Variants in CMC1 observed in about 807,000 individuals in gnomAD.
CMC1 encodes the protein COX assembly mitochondrial protein homolog.
Under a neutral mutation model 14.1 loss-of-function variants are expected in CMC1, and 14 were observed. That is an observed-to-expected ratio of 0.99 (90% CI 0.66 to 1.55). CMC1 has a LOEUF of 1.55. Ranked by LOEUF, CMC1 falls within the 40% of genes most tolerant of loss-of-function variation. The pLI, the probability that CMC1 is intolerant of heterozygous loss-of-function variation, is 0.00. For synonymous variants in CMC1, 50 were observed against 38.4 expected, an observed-to-expected ratio of 1.30 and a Z score of -1.12; for missense variants, 127 against 123.8, an observed-to-expected ratio of 1.03 and a Z score of -0.12.
intron 2 of CMC1, among the ~76,000 whole-genome samples, chr3:28,305,019 A>G (rs535656113): frequency 6.6e-6 from 1 of 152,272 alleles, no homozygotes; most frequent in East Asian, 1.9e-4. Context: ...TTGGGCGTCT[A>G]TTGAACCGTC....
At chr3:28,242,081 A>G (rs975526437) in intron 1 of CMC1, among the ~76,000 whole-genome samples, 1 of 151,950 alleles carries the variant, frequency 6.6e-6, no homozygotes, top group Non-Finnish European at 1.5e-5. Context: ...CTTCATTGTC[A>G]CCCTCTTTTC....
intron 2 of CMC1, among the ~76,000 whole-genome samples, chr3:28,263,775 A>G (rs1699853527): frequency 6.6e-6 from 1 of 151,924 alleles, no homozygotes; most frequent in Non-Finnish European, 1.5e-5. Context: ...TTCTAAGGTG[A>G]TTTTCTTTGG....
chr3:28,242,686 G>C (rs1425975444), intron 1 of CMC1, among the ~76,000 whole-genome samples: 1 of 152,152 alleles, frequency 6.6e-6, no homozygotes, highest in Admixed American at 6.5e-5. Context: ...GGTCCTTTTA[G>C]CTCCATTTTA....
At chr3:28,302,687 C>T (rs375926594) in intron 2 of CMC1, among the ~76,000 whole-genome samples, 8 of 152,198 alleles carry the variant, frequency 5.3e-5, no homozygotes, top group East Asian at 1.9e-4. Context: ...AGTATGGAAT[C>T]GGAGAGTTGA....
In CMC1 at chr3:28,274,206, G is replaced by GTTTTTTTTTTTTTTTTTTTT. The variant is rs1265139321; in HGVS notation, c.109+10831_109+10832insTTTTTTTTTTTTTTTTTTTT. ...GTGTCATTGGTCTTTGTACTAAAGT[G>GTTTTTTTTTTTTTTTTTTTT]TTTTTGTTTTTTTCTTTTTTTTTTT... On this transcript the variant is annotated intron_variant, in intron 2 of 3. Coordinates refer to ENST00000466830, the MANE Select transcript of CMC1 (RefSeq NM_182523.2). Among the ~76,000 whole-genome samples, 140 of 83,002 alleles carry GTTTTTTTTTTTTTTTTTTTT rather than the reference G, an allele frequency of 1.7e-3. 20 individuals carry two copies. Among genetic ancestry groups the GTTTTTTTTTTTTTTTTTTTT allele is most frequent in the East Asian group, 7.6e-3 (17 of 2,242 alleles). The allele number at this position is 83,002 out of a possible 152,430, so 54.5% of individuals were successfully genotyped here. A position where few individuals can be genotyped will look rare whatever the true frequency, so the allele number is the denominator to read the frequency against.
At chr3:28,304,351 A>G (rs1055916087) in intron 2 of CMC1, among the ~76,000 whole-genome samples, 3 of 152,000 alleles carry the variant, frequency 2.0e-5, no homozygotes, top group Non-Finnish European at 4.4e-5. Flanking sequence ...ATAGTCCCCA[A>G]AGATGTCTCA....
Position 28,321,415 on chromosome 3 carries a change from CCAGAT to C in CMC1, c.*1787_*1791del, listed in dbSNP as rs1330655854. On this transcript the variant is annotated 3_prime_UTR_variant, in exon 4 of 4. Transcript: ENST00000466830. ...GTACATGTTGCTTTCCCCATAGAAG[CCAGAT>C]TAGATTACACAGTATAAATAATATG... is the stretch of plus-strand genomic sequence containing the variant. 5 of 151,348 alleles carry C rather than the reference CCAGAT, an allele frequency of 3.3e-5. No homozygotes were observed. Among genetic ancestry groups the C allele is most frequent in the African/African-American group, 1.2e-4 (5 of 41,312 alleles). 9.4% of individuals were successfully genotyped at this position (151,348 alleles called of 1,614,324 possible).
At position 28,279,702 on chromosome 3, in the gene CMC1, G is replaced by C. The variant is rs138083689; in HGVS notation, c.109+16322G>C. 6.1e-3 allele frequency among the ~76,000 whole-genome samples: 912 copies of C among 149,314 alleles called. 9 individuals are homozygous for C. The highest frequency in any genetic ancestry group is 0.019 in the African/African-American group (757 of 40,892). The stretch of plus-strand genomic sequence containing the variant: ...AAACTTTTAGAATGGAAATGAATAG[G>C]AATCATAACCTAAAGATAGATCAAG... On this transcript the variant is annotated intron_variant, in intron 2 of 3. Transcript: ENST00000466830.
intron 2 of CMC1, among the ~76,000 whole-genome samples, chr3:28,308,981 CA>C (rs750800906): frequency 0.38 from 11,391 of 30,304 alleles, 751 homozygotes; most frequent in African/African-American, 0.44. Context: ...GACTCCGTCT[CA>C]AAAAAAAATA....
intron 2 of CMC1, among the ~76,000 whole-genome samples, chr3:28,269,562 GT>G (rs1700175418): frequency 1.3e-5 from 2 of 151,104 alleles, no homozygotes; most frequent in Non-Finnish European, 3.0e-5. Context: ...CATTACCTAG[GT>G]TTCTTTTTTT....
At chr3:28,276,239 T>G (rs1157409627) in intron 2 of CMC1, among the ~76,000 whole-genome samples, 1 of 152,168 alleles carries the variant, frequency 6.6e-6, no homozygotes, top group African/African-American at 2.4e-5. Flanking sequence ...TCAGCCATCT[T>G]GGCCCCAATG....
chr3:28,309,865 T>C (rs1222667476), intron 2 of CMC1, among the ~76,000 whole-genome samples: 2 of 65,586 alleles, frequency 3.0e-5, no homozygotes, highest in Non-Finnish European at 5.7e-5. Flanking sequence ...ACACACAAGC[T>C]AATTGCAAAT....
chr3:28,287,591 A>C (rs959381783), intron 2 of CMC1, among the ~76,000 whole-genome samples: 4 of 152,152 alleles, frequency 2.6e-5, no homozygotes, highest in African/African-American at 9.6e-5. Context: ...TTGAAAATTC[A>C]CATGGTTATT....
chr3:28,294,520 A>G (rs1333611801), intron 2 of CMC1: 3 of 877,760 alleles, frequency 3.4e-6, no homozygotes, highest in Non-Finnish European at 2.7e-6. Flanking sequence ...ATATAGCTAC[A>G]TAAATAGTAG....
intron 2 of CMC1, among the ~76,000 whole-genome samples, chr3:28,313,149 C>T (rs967210112): frequency 1.3e-5 from 2 of 152,076 alleles, no homozygotes; most frequent in African/African-American, 4.8e-5. Flanking sequence ...AGCCACCGTG[C>T]CTGGCTTCAA....
At chr3:28,257,279 T>G (rs1699464547) in intron 1 of CMC1, among the ~76,000 whole-genome samples, 1 of 152,180 alleles carries the variant, frequency 6.6e-6, no homozygotes, top group Non-Finnish European at 1.5e-5. Context: ...ATATAACCAC[T>G]GTTGTAATTT....
intron 1 of CMC1, among the ~76,000 whole-genome samples, chr3:28,242,126 T>C (rs1698559191): frequency 6.6e-6 from 1 of 152,224 alleles, no homozygotes; most frequent in Admixed American, 6.5e-5. Flanking sequence ...TAATGTATGC[T>C]GCAGACACTC....
chr3:28,307,620 A>T (rs866198194), intron 2 of CMC1, among the ~76,000 whole-genome samples: 8 of 152,356 alleles, frequency 5.3e-5, no homozygotes, highest in Middle Eastern at 3.4e-3. Context: ...GATCAATTTC[A>T]TCATCTTCGT....
At chr3:28,311,988 A>C (rs1702659908) in intron 2 of CMC1, among the ~76,000 whole-genome samples, 2 of 152,192 alleles carry the variant, frequency 1.3e-5, no homozygotes, top group African/African-American at 4.8e-5. Flanking sequence ...TTTGTGATTC[A>C]GATTCCTATT....
Sources: gnomAD v4.1 joint callset for allele counts (sites outside exome capture counted in the v4.1 genomes callset) on GRCh38, gnomAD v4.1.1 for gene constraint, MANE v1.5 for transcripts, NCBI Gene and HGNC (gene_info 2026-07-23, HGNC 2026-07-21) for gene names.